Variants in NRG1 observed in about 807,000 individuals in gnomAD.
NRG1 encodes neuregulin 1.
NRG1 carries 18 observed loss-of-function variants against 63.8 expected under a neutral mutation model. The ratio of observed to expected loss-of-function variants is 0.28; its 90% CI spans 0.19 to 0.42. The LOEUF is 0.42. Ranked by LOEUF, NRG1 falls within the 10% of genes least tolerant of loss-of-function variation. NRG1 has a pLI of 1.00. For missense variants in NRG1, 762 were observed against 814.7 expected, an observed-to-expected ratio of 0.94 and a Z score of 0.79; for synonymous variants, 302 against 301.3, an observed-to-expected ratio of 1.00 and a Z score of -0.02.
chr8:32,319,325 A>G (rs1315300361), intron 1 of NRG1, among the ~76,000 whole-genome samples: 1 of 152,166 alleles, frequency 6.6e-6, no homozygotes, highest in African/African-American at 2.4e-5. Flanking sequence ...GCATGACTTT[A>G]AGTAAGAAAA....
chr8:32,439,278 G>A (rs12678982), intron 1 of NRG1, among the ~76,000 whole-genome samples: 36,614 of 152,018 alleles, frequency 0.24, 5,423 homozygotes, highest in East Asian at 0.73. Context: ...TGTTAAAAAC[G>A]TACTCTGTAC....
At chr8:32,740,705 G>C (rs146898596) in intron 6 of NRG1, among the ~76,000 whole-genome samples, 1 of 152,134 alleles carries the variant, frequency 6.6e-6, no homozygotes, top group Non-Finnish European at 1.5e-5. Context: ...ATTTTATCGC[G>C]CAGGCTATTT....
chr8:32,575,483 T>TGGAG (rs929942272), intron 1 of NRG1, among the ~76,000 whole-genome samples: 13 of 151,994 alleles, frequency 8.6e-5, no homozygotes, highest in African/African-American at 3.1e-4. Context: ...TGTAGTGGGC[T>TGGAG]GGAGATAGGG....
chr8:31,756,771 T>C (rs1225935500), intron 1 of NRG1, among the ~76,000 whole-genome samples: 1 of 152,126 alleles, frequency 6.6e-6, no homozygotes, highest in Admixed American at 6.6e-5. Context: ...TGCCCATATA[T>C]AGTTAAGAGT....
intron 1 of NRG1, among the ~76,000 whole-genome samples, chr8:31,882,079 G>A (rs1419539027): frequency 6.6e-6 from 1 of 152,074 alleles, no homozygotes; most frequent in African/African-American, 2.4e-5. Flanking sequence ...TGAATAGCTG[G>A]AGAGAATAAG....
chr8:31,642,711 A>G (rs1803914555), intron 1 of NRG1, among the ~76,000 whole-genome samples: 1 of 152,186 alleles, frequency 6.6e-6, no homozygotes, highest in Non-Finnish European at 1.5e-5. Context: ...GTAATCGAGT[A>G]TGTTAAGAAA....
chr8:32,455,885 A>C (rs1587748904), intron 1 of NRG1, among the ~76,000 whole-genome samples: 5 of 152,176 alleles, frequency 3.3e-5, no homozygotes, highest in Admixed American at 3.3e-4. Context: ...CCCCAGTTCA[A>C]GCAATTTCAT....
At chr8:32,086,776 A>G (rs1331777951) in intron 1 of NRG1, among the ~76,000 whole-genome samples, 2 of 152,172 alleles carry the variant, frequency 1.3e-5, no homozygotes, top group Non-Finnish European at 2.9e-5. Context: ...TAGTCAAACT[A>G]ACTTGATGAA....
chr8:32,500,644 T>C (rs1446772409), intron 1 of NRG1, among the ~76,000 whole-genome samples: 2 of 152,188 alleles, frequency 1.3e-5, no homozygotes, highest in Non-Finnish European at 2.9e-5. Context: ...GCCATGAAAA[T>C]TGAAATACTC....
intron 5 of NRG1, among the ~76,000 whole-genome samples, chr8:32,680,335 G>A (rs1374941068): frequency 1.3e-5 from 2 of 152,128 alleles, no homozygotes; most frequent in Non-Finnish European, 2.9e-5. Context: ...GATACCAAGG[G>A]GTACCTGGGA....
At position 32,463,874 on chromosome 8, in the gene NRG1, CTTTTTTTTTTTTTTTTTTTTTT is replaced by C. The variant is rs756489856; in HGVS notation, c.38-131936_38-131915del. ...ACACACACGAAAAAAACTTAGAATT[CTTTTTTTTTTTTTTTTTTTTTT>C]TTTTTTTTTTTTTTTTTGGGGGAGG... On this transcript the variant is annotated intron_variant, in intron 1 of 10. Transcript: ENST00000519301. 1.5e-3 allele frequency among the ~76,000 whole-genome samples: 63 copies of C among 42,356 alleles called. 2 individuals are homozygous for C. Among genetic ancestry groups the C allele is most frequent in the African/African-American group, 3.3e-3 (34 of 10,344 alleles). The allele number at this position is 42,356 out of a possible 152,430, so 27.8% of individuals were successfully genotyped here.
intron 1 of NRG1, among the ~76,000 whole-genome samples, chr8:31,881,765 G>T (rs749321578): frequency 1.9e-4 from 29 of 152,272 alleles, no homozygotes; most frequent in Non-Finnish European, 3.2e-4. Flanking sequence ...AGTCTGGATA[G>T]GAGATCAGCC....
intron 1 of NRG1, among the ~76,000 whole-genome samples, chr8:31,657,024 A>G (rs553621904): frequency 2.0e-5 from 3 of 152,210 alleles, no homozygotes; most frequent in Non-Finnish European, 4.4e-5. Flanking sequence ...TTATTCTGAT[A>G]GTAATTGCGT....
At chr8:32,437,466 C>G (rs551641595) in intron 1 of NRG1, among the ~76,000 whole-genome samples, 2 of 152,154 alleles carry the variant, frequency 1.3e-5, no homozygotes, top group African/African-American at 2.4e-5. Context: ...GCCTCCAATG[C>G]GCAGCATGAA....
chr8:32,302,531 A>T (rs1170587868), intron 1 of NRG1, among the ~76,000 whole-genome samples: 2 of 150,798 alleles, frequency 1.3e-5, no homozygotes, highest in East Asian at 3.9e-4. Context: ...TGATGTAACC[A>T]TATGCCAATT....
intron 1 of NRG1, among the ~76,000 whole-genome samples, chr8:32,028,899 A>T (rs979752836): frequency 3.3e-5 from 5 of 152,218 alleles, no homozygotes; most frequent in African/African-American, 1.2e-4. Context: ...GAGTGATGAA[A>T]AAGTTTTTTA....
Position 32,585,469 on chromosome 8 carries a change from C to T in NRG1, c.101-10359C>T, listed in dbSNP as rs1293326740. ...GCTGGCCGCGGCGCAGTGATTTGCT[C>T]CAGCATTCATTGTCACGGTGTATTG... On this transcript the variant is annotated intron_variant, in intron 1 of 11. Transcript: ENST00000356819. 2.6e-5 allele frequency among the ~76,000 whole-genome samples: 4 copies of T among 152,138 alleles called. No homozygotes were observed. The East Asian group carries it at 7.7e-4, about 29-fold the overall frequency.
At chr8:32,772,063 A>G (rs1417786859), downstream of NRG1, among the ~76,000 whole-genome samples, 1 of 6,022 alleles carries the variant, frequency 1.7e-4, no homozygotes, top group African/African-American at 5.3e-4. Context: ...ATATATATAT[A>G]TATATATATA....
chr8:32,120,881 G>A (rs1379034119), intron 1 of NRG1, among the ~76,000 whole-genome samples: 2 of 152,114 alleles, frequency 1.3e-5, no homozygotes, highest in African/African-American at 4.8e-5. Context: ...CTTTTTGAAT[G>A]TTCCTTCTCA....
Sources: gnomAD v4.1 joint callset for allele counts (sites outside exome capture counted in the v4.1 genomes callset) on GRCh38, gnomAD v4.1.1 for gene constraint, MANE v1.5 for transcripts, NCBI Gene and HGNC (gene_info 2026-07-23, HGNC 2026-07-21) for gene names.